GTF2A1L: variants seen among roughly 807,000 people sequenced by gnomAD.
GTF2A1L encodes general transcription factor IIA subunit 1 like.
GTF2A1L carries 48 observed loss-of-function variants against 49.7 expected under a neutral mutation model. That is an observed-to-expected ratio of 0.97 (90% CI 0.77 to 1.23). The LOEUF is 1.23. Ranked by LOEUF, GTF2A1L falls within the 50% of genes most tolerant of loss-of-function variation. GTF2A1L has a pLI of 0.00. For synonymous variants in GTF2A1L, 246 were observed against 193.5 expected (o/e 1.27, Z -2.25); for missense variants, 736 against 564.8 (o/e 1.30, Z -3.07).
intron 3 of GTF2A1L, among the ~76,000 whole-genome samples, chr2:48,623,012 A>G (rs1216417605): frequency 2.0e-5 from 3 of 152,200 alleles, no homozygotes; most frequent in Non-Finnish European, 4.4e-5. Flanking sequence ...CAGTTAGAAT[A>G]ATAGAAATAA....
intron 6 of GTF2A1L, among the ~76,000 whole-genome samples, chr2:48,663,851 G>C (rs773735631): frequency 1.3e-5 from 2 of 152,040 alleles, no homozygotes; most frequent in African/African-American, 4.8e-5. Context: ...GAACTCAAGC[G>C]ATCCTTTTGT....
intron 7 of GTF2A1L, among the ~76,000 whole-genome samples, chr2:48,670,626 G>A (rs1288208004): frequency 6.6e-6 from 1 of 152,042 alleles, no homozygotes; most frequent in African/African-American, 2.4e-5. Flanking sequence ...TGTGTAAGTA[G>A]TATTAGCTAT....
intron 3 of GTF2A1L, among the ~76,000 whole-genome samples, chr2:48,639,255 CA>C (rs1677072996): frequency 6.6e-6 from 1 of 152,090 alleles, no homozygotes; most frequent in African/African-American, 2.4e-5. Context: ...CAATCCTAAA[CA>C]AAAAGGACAA....
At chr2:48,627,997 T>C (rs1676380441) in intron 3 of GTF2A1L, among the ~76,000 whole-genome samples, 1 of 144,306 alleles carries the variant, frequency 6.9e-6, no homozygotes, top group African/African-American at 2.5e-5. Flanking sequence ...TGTTCCTGCA[T>C]TAATTCACTT....
intron 6 of GTF2A1L, among the ~76,000 whole-genome samples, chr2:48,665,719 A>G (rs1261501782): frequency 6.6e-6 from 1 of 152,008 alleles, no homozygotes; most frequent in African/African-American, 2.4e-5. Context: ...GGTTTGTTTT[A>G]TGTTTCAGAA....
rs768228810 is a variant in GTF2A1L, at chr2:48,630,171, G to A, written c.247+8881G>A. 1.3e-4 allele frequency among the ~76,000 whole-genome samples: 18 copies of A among 143,676 alleles called. 3 individuals carry two copies. Among genetic ancestry groups the A allele is most frequent in the Non-Finnish European group, 2.7e-4 (17 of 63,844 alleles). 94.3% of individuals were successfully genotyped at this position (143,676 alleles called of 152,430 possible). A position where few individuals can be genotyped will look rare whatever the true frequency, so the allele number is the denominator to read the frequency against. On this transcript the variant is annotated intron_variant, in intron 3 of 8. Transcript: ENST00000403751. ...CTGTGAAAAATGACATTGGTGGTTT[G>A]ATAGGAATAGCATTGAATCTGTAGA...
At chr2:48,677,074 G>A in intron 8 of GTF2A1L, among the ~76,000 whole-genome samples, 1 of 151,322 alleles carries the variant, frequency 6.6e-6, no homozygotes, top group Admixed American at 6.6e-5. Context: ...TGTTCCATTG[G>A]TTTGTCTGTC....
intron 6 of GTF2A1L, among the ~76,000 whole-genome samples, chr2:48,669,406 T>C (rs1679044793): frequency 6.6e-6 from 1 of 152,208 alleles, no homozygotes; most frequent in Admixed American, 6.5e-5. Flanking sequence ...AATGAAATAG[T>C]TAAATCCTAA....
At chr2:48,654,673 C>T (rs562673647) in intron 6 of GTF2A1L, among the ~76,000 whole-genome samples, 4 of 152,232 alleles carry the variant, frequency 2.6e-5, no homozygotes, top group East Asian at 1.9e-4. Context: ...GGTGAGCCAC[C>T]GTGCCTGGAT....
chr2:48,646,762 T>C lies in GTF2A1L; in HGVS notation c.698T>C (p.Leu233Ser). 6.2e-7 allele frequency: 1 copy of C among 1,614,182 alleles called. No homozygotes were observed. Among genetic ancestry groups the C allele is most frequent in the Non-Finnish European group, 8.5e-7 (1 of 1,180,036 alleles). The change falls in exon 6 of 9, where the codon TTG becomes TCG. Residue 233 changes from leucine to serine, a missense_variant. Physicochemically the swap from Leu to Ser is moderately radical, Grantham distance 145. Coordinates refer to ENST00000403751, the MANE Select transcript of GTF2A1L (RefSeq NM_006872.5). ...CATAAAATCGTGCCTGAAGCTTTGT[T>C]GTGTCATCAGGAAAGTTCTCACTAT... ...NEHKIVPEAL[L>S]CHQESSHYIS... is the part of the protein sequence containing the mutation.
chr2:48,639,517 C>T (rs1261272197), intron 3 of GTF2A1L, among the ~76,000 whole-genome samples: 3 of 152,068 alleles, frequency 2.0e-5, no homozygotes, highest in Admixed American at 6.5e-5. Context: ...TGAAGCTGGA[C>T]CCCTTTCTTA....
At chr2:48,649,782 C>T (rs978250549) in intron 6 of GTF2A1L, among the ~76,000 whole-genome samples, 2 of 152,152 alleles carry the variant, frequency 1.3e-5, no homozygotes, top group Non-Finnish European at 2.9e-5. Context: ...CTTCAGGCAC[C>T]TTAATATACA....
chr2:48,618,090 T>A (rs1558687860), intron 1 of GTF2A1L, 195 bp downstream of exon 1: 1 of 575,088 alleles, frequency 1.7e-6, no homozygotes, highest in Non-Finnish European at 3.0e-6. Context: ...CAGCAGGAAG[T>A]TGGGCCAGCC....
At chr2:48,656,528 T>G (rs906669065) in intron 6 of GTF2A1L, among the ~76,000 whole-genome samples, 1 of 152,010 alleles carries the variant, frequency 6.6e-6, no homozygotes, top group Non-Finnish European at 1.5e-5. Context: ...CTTTGCCCAT[T>G]TTTTTAAAAT....
At chr2:48,661,086 C>G (rs542735286) in intron 6 of GTF2A1L, among the ~76,000 whole-genome samples, 1 of 151,818 alleles carries the variant, frequency 6.6e-6, no homozygotes, top group East Asian at 1.9e-4. Flanking sequence ...TTCTTTTTCT[C>G]TAACATTATT....
At chr2:48,670,674 T>G (rs1274188596) in intron 7 of GTF2A1L, among the ~76,000 whole-genome samples, 1 of 152,218 alleles carries the variant, frequency 6.6e-6, no homozygotes, top group African/African-American at 2.4e-5. Context: ...AGGCATCATA[T>G]TAAGTCTTAA....
chr2:48,621,442 G>T, intron 3 of GTF2A1L, 152 bp downstream of exon 3: 2 of 1,001,706 alleles, frequency 2.0e-6, no homozygotes, highest in Non-Finnish European at 2.7e-6. Flanking sequence ...ATAAATCATT[G>T]CCCCATGTAA....
chr2:48,641,553 G>T (rs778806538), intron 3 of GTF2A1L, among the ~76,000 whole-genome samples: 96 of 152,284 alleles, frequency 6.3e-4, no homozygotes, highest in Non-Finnish European at 1.2e-3. Flanking sequence ...TATTAAAGAT[G>T]AGGGAAAATG....
chr2:48,619,532 G>C, intron 1 of GTF2A1L, among the ~76,000 whole-genome samples: 1 of 151,746 alleles, frequency 6.6e-6, no homozygotes, highest in East Asian at 1.9e-4. Flanking sequence ...ATGAACAGGA[G>C]TATTTAGGAG....
Sources: allele counts gnomAD v4.1 joint callset (sites outside exome capture counted in the v4.1 genomes callset), GRCh38; gene constraint gnomAD v4.1.1; transcripts MANE v1.5; gene names NCBI Gene and HGNC (gene_info 2026-07-23, HGNC 2026-07-21).